The following KCNIP4 variants were observed in gnomAD, a reference collection of about 807,000 sequenced individuals.
KCNIP4 encodes potassium voltage-gated channel interacting protein 4.
Under a neutral mutation model 34.0 loss-of-function variants are expected in KCNIP4, and 12 were observed. The ratio of observed to expected loss-of-function variants is 0.35; its 90% confidence interval spans 0.23 to 0.57. The LOEUF (loss-of-function observed/expected upper bound fraction) is 0.57, where lower values mean the gene tolerates loss of function less well. KCNIP4 is among the 20% of genes least tolerant of loss of function. KCNIP4 has a pLI of 0.83. For missense variants in KCNIP4, 238 were observed against 311.7 expected, an observed-to-expected ratio of 0.76 and a Z score of 1.78; for synonymous variants, 124 against 102.2, an observed-to-expected ratio of 1.21 and a Z score of -1.29.
chr4:21,443,135 C>G (rs1263664018), intron 1 of KCNIP4, among the ~76,000 whole-genome samples: 1 of 152,124 alleles, frequency 6.6e-6, no homozygotes, highest in Non-Finnish European at 1.5e-5. Context: ...TTATCCAAAC[C>G]CCACTCTCTC....
chr4:21,696,646 T>C (rs1349460241), intron 1 of KCNIP4, among the ~76,000 whole-genome samples: 1 of 152,162 alleles, frequency 6.6e-6, no homozygotes, highest in Non-Finnish European at 1.5e-5. Flanking sequence ...TGCCTAGGAA[T>C]TTCATGAGCA....
At chr4:21,315,773 T>A (rs1713682572) in intron 1 of KCNIP4, among the ~76,000 whole-genome samples, 1 of 152,102 alleles carries the variant, frequency 6.6e-6, no homozygotes, top group Non-Finnish European at 1.5e-5. Context: ...AAGCCTCTCT[T>A]CCCTTCTGAT....
intron 5 of KCNIP4, among the ~76,000 whole-genome samples, chr4:20,746,377 T>TGGG (rs376605800): frequency 2.7e-5 from 4 of 147,430 alleles, no homozygotes; most frequent in African/African-American, 1.0e-4. Flanking sequence ...TGTCGGAGGG[T>TGGG]GGGGGGCTAG....
chr4:21,617,397 C>A (rs1328094260), intron 1 of KCNIP4, among the ~76,000 whole-genome samples: 2 of 152,008 alleles, frequency 1.3e-5, no homozygotes, highest in East Asian at 1.9e-4. Flanking sequence ...AGGAAAAACA[C>A]CTCTTTGTGT....
chr4:21,103,537 C>T (rs903494826), intron 1 of KCNIP4, among the ~76,000 whole-genome samples: 2 of 150,678 alleles, frequency 1.3e-5, no homozygotes, highest in Non-Finnish European at 3.0e-5. Flanking sequence ...ATATACTTCC[C>T]ATAAAATTCA....
At chr4:21,236,402 T>C (rs1419760783) in intron 1 of KCNIP4, among the ~76,000 whole-genome samples, 1 of 152,164 alleles carries the variant, frequency 6.6e-6, no homozygotes, top group Non-Finnish European at 1.5e-5. Context: ...TAATGTCAAT[T>C]TCATTTATTT....
chr4:21,093,459 AG>A (rs1472787861), intron 1 of KCNIP4, among the ~76,000 whole-genome samples: 5 of 152,258 alleles, frequency 3.3e-5, no homozygotes, highest in African/African-American at 1.2e-4. Flanking sequence ...ACTGTGCCCC[AG>A]GATGACAAGA....
chr4:21,437,729 T>A (rs983593353), intron 1 of KCNIP4, among the ~76,000 whole-genome samples: 1 of 152,212 alleles, frequency 6.6e-6, no homozygotes, highest in Admixed American at 6.5e-5. Flanking sequence ...CTAAGCCAGA[T>A]GGTAAAGAAA....
intron 3 of KCNIP4, among the ~76,000 whole-genome samples, chr4:20,809,397 C>G (rs563218318): frequency 6.6e-6 from 1 of 152,072 alleles, no homozygotes; most frequent in Non-Finnish European, 1.5e-5. Flanking sequence ...GTTGTTTGAC[C>G]TACTTCATTC....
In KCNIP4 at chr4:21,325,408, T is replaced by A. The variant is rs1231722553; in HGVS notation, c.62-442699A>T. Among the ~76,000 whole-genome samples the A allele has an allele frequency of 2.6e-5, 4 of 151,920 alleles. No individual in the cohort carries two copies. In the East Asian group the frequency reaches 7.7e-4, roughly 29 times the overall value. On this transcript the variant is annotated intron_variant, in intron 1 of 8. Transcript: ENST00000382152. The stretch of plus-strand genomic sequence containing the variant: ...GTATATAGTTGCTCATAGTAGCCTC[T>A]AGTCATCCTTTGAATTTCTGAATCA...
intron 1 of KCNIP4, among the ~76,000 whole-genome samples, chr4:21,587,840 C>T (rs1366157022): frequency 6.6e-6 from 1 of 152,046 alleles, no homozygotes; most frequent in Non-Finnish European, 1.5e-5. Flanking sequence ...TAATACACAT[C>T]TTGCCCAAAG....
chr4:20,908,979 G>C (rs1728069975), intron 1 of KCNIP4, among the ~76,000 whole-genome samples: 2 of 152,076 alleles, frequency 1.3e-5, no homozygotes, highest in African/African-American at 4.8e-5. Context: ...TGTGACAATT[G>C]GCAAATGGAA....
chr4:21,254,152 G>GTA (rs1409745268), intron 1 of KCNIP4, among the ~76,000 whole-genome samples: 2 of 152,178 alleles, frequency 1.3e-5, no homozygotes, highest in African/African-American at 2.4e-5. Context: ...CATTGTAAAT[G>GTA]TATATATATG....
chr4:21,203,916 G>C (rs143988270), intron 1 of KCNIP4, among the ~76,000 whole-genome samples: 1 of 152,110 alleles, frequency 6.6e-6, no homozygotes, highest in Non-Finnish European at 1.5e-5. Flanking sequence ...TCCCGGGAAG[G>C]GCTGCTTCTC....
intron 1 of KCNIP4, among the ~76,000 whole-genome samples, chr4:21,111,848 A>G (rs1749202365): frequency 6.6e-6 from 1 of 152,232 alleles, no homozygotes; most frequent in Non-Finnish European, 1.5e-5. Context: ...CCATGTCCAT[A>G]TAGTCCTGCC....
At chr4:20,732,142 A>G (rs1578411124) in intron 7 of KCNIP4, 74 bp from the exon 8 acceptor site, 4 of 1,009,166 alleles carry the variant, frequency 4.0e-6, no homozygotes, top group East Asian at 4.8e-5. Context: ...AAATGAGCTG[A>G]AGCTGATAAA....
At chr4:21,114,076 G>A (rs1749483622) in intron 1 of KCNIP4, among the ~76,000 whole-genome samples, 1 of 152,146 alleles carries the variant, frequency 6.6e-6, no homozygotes, top group Admixed American at 6.5e-5. Context: ...CCCTGATTCA[G>A]TCTTATCAGA....
intron 1 of KCNIP4, among the ~76,000 whole-genome samples, chr4:21,206,274 G>A (rs950966369): frequency 9.9e-5 from 15 of 152,198 alleles, no homozygotes; most frequent in African/African-American, 3.1e-4. Context: ...CTTCTTTTAC[G>A]GAATGTCAGG....
At chr4:21,666,972 A>G (rs751930927) in intron 1 of KCNIP4, among the ~76,000 whole-genome samples, 1 of 152,234 alleles carries the variant, frequency 6.6e-6, no homozygotes, top group Non-Finnish European at 1.5e-5. Flanking sequence ...GAAATAGACA[A>G]CCATTCAAAA....
Sources: allele counts gnomAD v4.1 joint callset (sites outside exome capture counted in the v4.1 genomes callset), GRCh38; gene constraint gnomAD v4.1.1; transcripts MANE v1.5; gene names NCBI Gene and HGNC (gene_info 2026-07-23, HGNC 2026-07-21).